TNNI3: variants seen among roughly 807,000 people sequenced by gnomAD.
The protein encoded by TNNI3 is troponin I, cardiac muscle.
A neutral mutation model predicts 31.5 loss-of-function variants in TNNI3; 23 were observed. The observed-to-expected ratio is 0.73, with a 90% CI of 0.52 to 1.03. The LOEUF (loss-of-function observed/expected upper bound fraction) is 1.03, where lower values mean the gene tolerates loss of function less well. Ranked by LOEUF, TNNI3 falls within the 50% of genes least tolerant of loss-of-function variation. The probability of loss-of-function intolerance (pLI) is 0.00; values close to 1 mark genes in which losing one functional copy is unlikely to be tolerated. For missense variants in TNNI3, 236 were observed against 282.9 expected, an observed-to-expected ratio of 0.83 and a Z score of 1.19; for synonymous variants, 120 against 111.7, an observed-to-expected ratio of 1.07 and a Z score of -0.47.
Position 55,156,784 on chromosome 19 carries a change from A to C in TNNI3, c.109-140T>G. 1 of 996,238 alleles carries C rather than the reference A, an allele frequency of 1.0e-6. No homozygotes were observed. The highest frequency in any genetic ancestry group is 2.0e-5 in the Admixed American group (1 of 49,920). 61.7% of individuals were successfully genotyped at this position (996,238 alleles called of 1,614,324 possible). A position where few individuals can be genotyped will look rare whatever the true frequency, so the allele number is the denominator to read the frequency against. On this transcript the variant is annotated intron_variant, in intron 3 of 7. Transcript: ENST00000344887. The surrounding 1 kb of genome is among the most constrained non-coding windows in gnomAD (Gnocchi z 4.6). ...CCAACTTGAGCCCTGAGTCTACGGGAGGCCACGCCCCTCATTCCCATCCAC... is the reference window on the plus strand; with the variant it reads ...CCAACTTGAGCCCTGAGTCTACGGGCGGCCACGCCCCTCATTCCCATCCAC...
chr19:55,154,271 T>A, intron 6 of TNNI3, 65 bp from the exon 7 acceptor site: 1 of 1,524,832 alleles, frequency 6.6e-7, no homozygotes, highest in Non-Finnish European at 9.0e-7. Context: ...TCCTCCATCC[T>A]ACACTCCTTT....
In TNNI3 at chr19:55,154,095, G is replaced by T. The variant is rs368861241; in HGVS notation, c.484C>A (p.Arg162=). 3.1e-6 allele frequency: 5 copies of T among 1,612,806 alleles called. No homozygotes were observed. The highest frequency in any genetic ancestry group is 3.4e-6 in the Non-Finnish European group (4 of 1,179,988). ...CGCAGGTCCAGGGACTCCTTAGCCC[G>T]GGCCCCCAGCAGCGCCTGCATCATG... ...DAMMQALLGA[R]AKESLDLRAH... The change falls in exon 7 of 8, where the codon CGG becomes AGG. Residue 162 remains arginine (R), a synonymous_variant. Transcript: ENST00000344887.
rs1025005932 is a variant in TNNI3 at position 55,151,806 on chromosome 19, T to A, written c.*28A>T. 1 of 1,605,454 alleles carries A rather than the reference T, an allele frequency of 6.2e-7. No homozygotes were observed. Among genetic ancestry groups the A allele is most frequent in the Admixed American group, 1.7e-5 (1 of 59,978 alleles). On this transcript the variant is annotated 3_prime_UTR_variant, in exon 8 of 8. Coordinates refer to ENST00000344887, the MANE Select transcript of TNNI3 (RefSeq NM_000363.5). ...GAAGCTTTATTCCTCAGGGCCCTCC[T>A]CAGGGCAGGGGCAGTAGGCAGGAAG...
chr19:55,156,847 C>A lies in TNNI3; in HGVS notation c.108+203G>T. On this transcript the variant is annotated intron_variant, in intron 3 of 7. Transcript: ENST00000344887. This position sits in a 1 kb window ranked among gnomAD's most constrained non-coding sequence, Gnocchi z 4.6. The stretch of plus-strand genomic sequence containing the variant: ...CTTCCTTTGGATAGGCACTTCCCAT[C>A]TATCCCTAAGCAAGTCCGAGGGCAA... 1 of 835,226 alleles carries A rather than the reference C, an allele frequency of 1.2e-6. No homozygotes were observed. The highest frequency in any genetic ancestry group is 1.9e-6 in the Non-Finnish European group (1 of 514,230). The allele number at this position is 835,226 out of a possible 1,614,324, so 51.7% of individuals were successfully genotyped here. A position where few individuals can be genotyped will look rare whatever the true frequency, so the allele number is the denominator to read the frequency against.
At chr19:55,153,812 C>T (rs1015942178) in intron 7 of TNNI3, among the ~76,000 whole-genome samples, 1 of 812 alleles carries the variant, frequency 1.2e-3, no homozygotes, top group African/African-American at 1.8e-3. Flanking sequence ...GCACCTGGAC[C>T]TTCATGTACC....
intron 5 of TNNI3, among the ~76,000 whole-genome samples, chr19:55,155,072 C>G (rs1430195968): frequency 5.6e-4 from 40 of 71,168 alleles, no homozygotes; most frequent in South Asian, 1.1e-3. Context: ...CTGAGGGCCT[C>G]GATTCCAGGG....
chr19:55,151,996 C>G, intron 7 of TNNI3, 79 bp from the exon 8 acceptor site: 1 of 1,309,686 alleles, frequency 7.6e-7, no homozygotes, highest in Non-Finnish European at 1.1e-6. Flanking sequence ...TTCCCTCCAG[C>G]CTGTGGGGCC....
In TNNI3 at chr19:55,154,024, A is replaced by G. The variant is rs2085710817; in HGVS notation, c.549+6T>C. 1 of 1,601,606 alleles carries G rather than the reference A, an allele frequency of 6.2e-7. No homozygotes were observed. The highest frequency in any genetic ancestry group is 8.5e-7 in the Non-Finnish European group (1 of 1,177,170). On this transcript the variant is annotated splice_donor_region_variant and intron_variant, in intron 7 of 7. Transcript: ENST00000344887. ...ATCCTCTTTCCTGGCCTTAGCCCAC[A>G]CTCACCTTCTCGGTGTCCTCCTTCT... is the stretch of plus-strand genomic sequence containing the variant.
Position 55,157,042 on chromosome 19 carries a change from C to A in TNNI3, c.108+8G>T, listed in dbSNP as rs754020806. Reference sequence around the variant, plus strand: ...CCTGTACTCTGCCCCCAGGAAGCCCCGTCCCACCTTGGCGTGCGGCTCCGT... The same window carrying A: ...CCTGTACTCTGCCCCCAGGAAGCCCAGTCCCACCTTGGCGTGCGGCTCCGT... On this transcript the variant is annotated splice_region_variant and intron_variant, in intron 3 of 7. Coordinates refer to ENST00000344887, the MANE Select transcript of TNNI3 (RefSeq NM_000363.5). The surrounding 1 kb of genome is among the most constrained non-coding windows in gnomAD (Gnocchi z 6.3). The A allele has an allele frequency of 6.9e-6, 11 of 1,582,882 alleles. No individual in the cohort carries two copies. In the South Asian group the frequency reaches 9.3e-5, roughly 13 times the overall value.
Position 55,152,014 on chromosome 19 carries a change from C to T in TNNI3, c.550-97G>A, listed in dbSNP as rs1725047594. 6.5e-6 allele frequency: 7 copies of T among 1,081,804 alleles called. No homozygotes were observed. Among genetic ancestry groups the T allele is most frequent in the Admixed American group, 3.8e-5 (2 of 52,220 alleles). 67.0% of individuals were successfully genotyped at this position (1,081,804 alleles called of 1,614,324 possible). A position where few individuals can be genotyped will look rare whatever the true frequency, so the allele number is the denominator to read the frequency against. On this transcript the variant is annotated intron_variant, in intron 7 of 7. Coordinates refer to ENST00000344887, the MANE Select transcript of TNNI3 (RefSeq NM_000363.5). The surrounding 1 kb of genome is among the most constrained non-coding windows in gnomAD (Gnocchi z 4.0). ...CCTCCAGCCTGTGGGGCCACTCTAC[C>T]CTGGATGCCTAAGTATCTAGTTCTG... is the stretch of plus-strand genomic sequence containing the variant.
In TNNI3 at chr19:55,152,213, C is replaced by T. The variant is rs1158141688; in HGVS notation, c.550-296G>A. Among the ~76,000 whole-genome samples the T allele has an allele frequency of 6.6e-6, 1 of 151,984 alleles. No individual in the cohort carries two copies. Among genetic ancestry groups the T allele is most frequent in the Non-Finnish European group, 1.5e-5 (1 of 68,012 alleles). ...CACTTCCTGTCTCCCTCATGCACTT[C>T]CTGTCTTTCCCCTCCACTTCCTGTC... On this transcript the variant is annotated intron_variant, in intron 7 of 7. Transcript: ENST00000344887. This position sits in a 1 kb window ranked among gnomAD's most constrained non-coding sequence, Gnocchi z 4.0.
chr19:55,156,792 C>T lies in TNNI3; in HGVS notation c.109-148G>A. On this transcript the variant is annotated intron_variant, in intron 3 of 7. Transcript: ENST00000344887. The surrounding 1 kb of genome is among the most constrained non-coding windows in gnomAD (Gnocchi z 4.6). ...AGCCCTGAGTCTACGGGAGGCCACG[C>T]CCCTCATTCCCATCCACCAATCTGG... The T allele has an allele frequency of 1.1e-6, 1 of 929,320 alleles. No individual in the cohort carries two copies. The highest frequency in any genetic ancestry group is 1.7e-6 in the Non-Finnish European group (1 of 587,206). The allele number at this position is 929,320 out of a possible 1,614,324, so 57.6% of individuals were successfully genotyped here. A position where few individuals can be genotyped will look rare whatever the true frequency, so the allele number is the denominator to read the frequency against.
At chr19:55,153,361 C>T (rs1478253506) in intron 7 of TNNI3, among the ~76,000 whole-genome samples, 1 of 151,934 alleles carries the variant, frequency 6.6e-6, no homozygotes, top group Non-Finnish European at 1.5e-5. Flanking sequence ...TGGTTTCAGG[C>T]ATCCACTCCT....
Position 55,156,987 on chromosome 19 carries a change from C to A in TNNI3, c.108+63G>T. 6.6e-7 allele frequency: 1 copy of A among 1,519,398 alleles called. No individual in the cohort carries two copies. The highest frequency in any genetic ancestry group is 1.2e-5 in the South Asian group (1 of 83,752). The allele number at this position is 1,519,398 out of a possible 1,614,324, so 94.1% of individuals were successfully genotyped here. On this transcript the variant is annotated intron_variant, in intron 3 of 7. Transcript: ENST00000344887. The surrounding 1 kb of genome is among the most constrained non-coding windows in gnomAD (Gnocchi z 4.6). Reference sequence around the variant, plus strand: ...CCCTTCGCAGCCCTGGCTCCTCCCCCCACTCCCAGGGTCTTGGATCCCTCC... The same window carrying A: ...CCCTTCGCAGCCCTGGCTCCTCCCCACACTCCCAGGGTCTTGGATCCCTCC...
rs755862334 is a variant in TNNI3 at position 55,157,103 on chromosome 19, T to G, written c.55A>C (p.Ile19Leu). Residue 19 changes from isoleucine to leucine, a missense_variant, in exon 3 of 8, where the codon ATC (isoleucine) becomes CTC (leucine). Ile to Leu is a conservative substitution (Grantham distance 5). Coordinates refer to ENST00000344887, the MANE Select transcript of TNNI3 (RefSeq NM_000363.5). The surrounding 1 kb of genome is among the most constrained non-coding windows in gnomAD (Gnocchi z 6.3). ...AREPRPAPAP[I>L]RRRSSNYRAY... is the part of the protein sequence containing the mutation. ...CGGTAGTTGGAGGAGCGGCGTCTGA[T>G]TGGGGCTGGTGCAGGGCGAGGTTCC... is the stretch of plus-strand genomic sequence containing the variant. The G allele has an allele frequency of 1.9e-6, 3 of 1,603,020 alleles. No homozygotes were observed. The Admixed American group carries it at 5.2e-5, about 28-fold the overall frequency.
chr19:55,157,585 G>C lies in TNNI3; in HGVS notation c.5C>G (p.Ala2Gly). 3.7e-6 allele frequency: 6 copies of C among 1,613,998 alleles called. No homozygotes were observed. Among genetic ancestry groups the C allele is most frequent in the Non-Finnish European group, 5.1e-6 (6 of 1,179,936 alleles). ...GCCTTGGGGCATCACTCACCCATCCGCCATGCTGAGACTCAGGCCGGGAAT... is the reference window on the plus strand; with the variant it reads ...GCCTTGGGGCATCACTCACCCATCCCCCATGCTGAGACTCAGGCCGGGAAT... M[A>G]DGSSDAAREP... The change falls in exon 1 of 8, where the codon GCG becomes GGG. Residue 2 changes from alanine (A) to glycine (G), a missense_variant. Ala to Gly is a moderately conservative substitution (Grantham distance 60, BLOSUM62 0). Coordinates refer to ENST00000344887, the MANE Select transcript of TNNI3 (RefSeq NM_000363.5). This position sits in a 1 kb window ranked among gnomAD's most constrained non-coding sequence, Gnocchi z 6.3.
In TNNI3 at chr19:55,156,185, C is replaced by G; in HGVS notation, c.282+16G>C. The G allele has an allele frequency of 6.2e-7, 1 of 1,612,754 alleles. No individual in the cohort carries two copies. Among genetic ancestry groups the G allele is most frequent in the Non-Finnish European group, 8.5e-7 (1 of 1,179,836 alleles). On this transcript the variant is annotated intron_variant, in intron 5 of 7. Coordinates refer to ENST00000344887, the MANE Select transcript of TNNI3 (RefSeq NM_000363.5). This position sits in a 1 kb window ranked among gnomAD's most constrained non-coding sequence, Gnocchi z 4.6. ...AATTCCGGGACTAGAAACCTCGCAT[C>G]CTTGGGAGCCGGTACCTGCAGCTCC...
chr19:55,153,672 C>T (rs897286414), intron 7 of TNNI3, among the ~76,000 whole-genome samples: 2 of 11,202 alleles, frequency 1.8e-4, no homozygotes, highest in Non-Finnish European at 4.6e-4. Flanking sequence ...GGTGTCACTG[C>T]ACTCCAGCAA....
rs2147284832 is a variant in TNNI3 at position 55,156,198 on chromosome 19, T to C, written c.282+3A>G. ...GAAACCTCGCATCCTTGGGAGCCGG[T>C]ACCTGCAGCTCCGCGAAGCCCAGCC... On this transcript the variant is annotated splice_donor_region_variant and intron_variant, in intron 5 of 7. Coordinates refer to ENST00000344887, the MANE Select transcript of TNNI3 (RefSeq NM_000363.5). The surrounding 1 kb of genome is among the most constrained non-coding windows in gnomAD (Gnocchi z 4.6). 6.2e-7 allele frequency: 1 copy of C among 1,612,748 alleles called. No individual in the cohort carries two copies. The highest frequency in any genetic ancestry group is 1.1e-5 in the South Asian group (1 of 91,082).
Sources: gnomAD v4.1 joint callset for allele counts (sites outside exome capture counted in the v4.1 genomes callset) on GRCh38, gnomAD v4.1.1 for gene constraint, Gnocchi (gnomAD v3.1) non-coding constraint, MANE v1.5 for transcripts, NCBI Gene and HGNC (gene_info 2026-07-23, HGNC 2026-07-21) for gene names.